Variants in CACNA1C observed in about 807,000 individuals in gnomAD.
CACNA1C encodes the protein voltage-dependent L-type calcium channel subunit alpha-1C.
A neutral mutation model predicts 229.0 loss-of-function variants in CACNA1C; 30 were observed. The observed-to-expected ratio is 0.13, with a 90% CI of 0.10 to 0.18. The LOEUF is 0.18. CACNA1C is among the 10% of genes least tolerant of loss of function. The pLI is 1.00. For missense variants in CACNA1C, 1,658 were observed against 2,845.0 expected (o/e 0.58, Z 9.49); for synonymous variants, 1,114 against 1,132.5 (o/e 0.98, Z 0.33).
chr12:2,561,460 T>C (rs765773899), intron 11 of CACNA1C, among the ~76,000 whole-genome samples: 1 of 152,210 alleles, frequency 6.6e-6, no homozygotes, highest in Admixed American at 6.5e-5. Flanking sequence ...GGTCAGTGTT[T>C]AGTAACTATT....
rs117067678 is a variant in CACNA1C, at chr12:2,141,971, T to G, written c.477+21541T>G. ...TTGAAGGGATGACGTGGGAAGGGTA[T>G]CCTCTCCTTTCCAGCATTCCTTCAT... On this transcript the variant is annotated intron_variant, in intron 3 of 46. Transcript: ENST00000399655. Among the ~76,000 whole-genome samples, 44 of 151,210 alleles carry G rather than the reference T, an allele frequency of 2.9e-4. 1 individual carries two copies. The East Asian group carries it at 6.6e-3, about 23-fold the overall frequency.
intron 3 of CACNA1C, among the ~76,000 whole-genome samples, chr12:2,408,924 A>T (rs1291251771): frequency 6.6e-6 from 1 of 152,194 alleles, no homozygotes; most frequent in Non-Finnish European, 1.5e-5. Context: ...TAAGAAGCCT[A>T]TTGCCATCCT....
intron 5 of CACNA1C, among the ~76,000 whole-genome samples, chr12:2,485,704 G>A (rs372881177): frequency 3.9e-5 from 6 of 152,096 alleles, no homozygotes; most frequent in African/African-American, 7.2e-5. Flanking sequence ...GAAAAACCTC[G>A]AGGATAAATG....
At position 2,655,225 on chromosome 12, in the gene CACNA1C, C is replaced by T. The variant is rs1441253019; in HGVS notation, c.4219C>T (p.Leu1407=). The T allele has an allele frequency of 1.2e-6, 2 of 1,610,734 alleles. No homozygotes were observed. The highest frequency in any genetic ancestry group is 1.7e-6 in the Non-Finnish European group (2 of 1,177,206). The change falls in exon 34 of 47, where the codon CTG becomes TTG. Residue 1407 remains leucine (L), a synonymous_variant. Coordinates refer to ENST00000399655, the MANE Select transcript of CACNA1C (RefSeq NM_000719.7). ...CTTTCAGACCTTCCCCCAGGCCGTG[C>T]TGCTCCTCTTCAGGTGGGTCCCTGA... ...NNFQTFPQAV[L]LLFRCATGEA... is the part of the protein sequence containing the mutation.
chr12:2,572,313 TC>T (rs1600548883), intron 13 of CACNA1C, among the ~76,000 whole-genome samples: 1 of 144,852 alleles, frequency 6.9e-6, no homozygotes, highest in African/African-American at 2.5e-5. Flanking sequence ...CTCCTCCTCC[TC>T]CTCCTCTTCC....
At position 2,692,128 on chromosome 12, in the gene CACNA1C, C is replaced by G. The variant is rs1047896494; in HGVS notation, c.*929C>G. 1 of 152,156 alleles carries G rather than the reference C, an allele frequency of 6.6e-6. No individual in the cohort carries two copies. The highest frequency in any genetic ancestry group is 2.4e-5 in the African/African-American group (1 of 41,422). 9.4% of individuals were successfully genotyped at this position (152,156 alleles called of 1,614,324 possible). On this transcript the variant is annotated 3_prime_UTR_variant, in exon 47 of 47. Coordinates refer to ENST00000399655, the MANE Select transcript of CACNA1C (RefSeq NM_000719.7). ...GTGGTTTCCTTTTTCCACGGAGGTT[C>G]AATAGAAGCCGCTGCAGGAGAGTTT...
rs373662937 is a variant in CACNA1C at position 2,322,718 on chromosome 12, G to A, written c.478-126258G>A. On this transcript the variant is annotated intron_variant, in intron 3 of 46. Transcript: ENST00000399655. ...CCCTTCTTACCATGCCGCGTTGCAC[G>A]GCAGTTATGCTGTGGCATTGCCACC... Among the ~76,000 whole-genome samples, 153 of 152,278 alleles carry A rather than the reference G, an allele frequency of 1.0e-3. 2 individuals carry two copies. The South Asian group carries it at 0.032, about 31-fold the overall frequency.
chr12:2,111,068 G>C (rs993674910), intron 1 of CACNA1C, among the ~76,000 whole-genome samples: 3 of 152,120 alleles, frequency 2.0e-5, no homozygotes, highest in African/African-American at 7.2e-5. Flanking sequence ...CATGTCATGG[G>C]ACCGCAGCAA....
At chr12:2,176,722 A>C (rs1363969346) in intron 3 of CACNA1C, among the ~76,000 whole-genome samples, 1 of 152,148 alleles carries the variant, frequency 6.6e-6, no homozygotes, top group Non-Finnish European at 1.5e-5. Context: ...CCGGAGCAGA[A>C]ACCTTCCTCC....
chr12:2,507,688 A>G (rs1354956165), intron 8 of CACNA1C, among the ~76,000 whole-genome samples: 3 of 152,352 alleles, frequency 2.0e-5, no homozygotes, highest in South Asian at 4.1e-4. Context: ...GTTAATGCTC[A>G]TGGCAACTCA....
At chr12:2,631,857 G>A (rs1472710397) in intron 29 of CACNA1C, among the ~76,000 whole-genome samples, 3 of 152,164 alleles carry the variant, frequency 2.0e-5, no homozygotes, top group Non-Finnish European at 2.9e-5. Flanking sequence ...GACCTCCCAC[G>A]CTAAGAATAA....
rs1189599178 is a variant in CACNA1C at position 2,632,590 on chromosome 12, G to A, written c.3829-1707G>A. On this transcript the variant is annotated intron_variant, in intron 29 of 46. Transcript: ENST00000399655. This position sits in a 1 kb window ranked among gnomAD's most constrained non-coding sequence, Gnocchi z 4.1. ...TGGTGAAAAATAAACAAAATCCATA[G>A]CTACAGAATCAAGTGGTAAAGTCAG... is the stretch of plus-strand genomic sequence containing the variant. Among the ~76,000 whole-genome samples, 2 of 152,150 alleles carry A rather than the reference G, an allele frequency of 1.3e-5. No individual in the cohort carries two copies. Among genetic ancestry groups the A allele is most frequent in the Non-Finnish European group, 2.9e-5 (2 of 68,030 alleles).
At chr12:2,503,797 A>C (rs2099765747) in intron 7 of CACNA1C, among the ~76,000 whole-genome samples, 1 of 152,024 alleles carries the variant, frequency 6.6e-6, no homozygotes. Context: ...AGGACCATTT[A>C]CCCCTAAGCT....
chr12:1,993,042 T>G (rs1158752974), intron 1 of CACNA1C: 2 of 684,274 alleles, frequency 2.9e-6, no homozygotes, highest in Non-Finnish European at 5.1e-6. Flanking sequence ...AAGACAGGGT[T>G]TAGGTTTATA....
intron 14 of CACNA1C, among the ~76,000 whole-genome samples, chr12:2,582,050 C>G (rs2060669209): frequency 6.6e-6 from 1 of 151,828 alleles, no homozygotes; most frequent in Non-Finnish European, 1.5e-5. Flanking sequence ...TCAGGAGAAT[C>G]TCTTGAACCC....
chr12:2,281,597 A>G lies in CACNA1C; in HGVS notation c.477+161167A>G, dbSNP rs865966616. On this transcript the variant is annotated intron_variant, in intron 3 of 46. Transcript: ENST00000399655. Reference sequence around the variant, plus strand: ...TTTTTCCTTCCATGACTGTAAAGCTATGATTCCACTGTCTTCTTGCTTGTG... The same window carrying G: ...TTTTTCCTTCCATGACTGTAAAGCTGTGATTCCACTGTCTTCTTGCTTGTG... Among the ~76,000 whole-genome samples the G allele has an allele frequency of 3.9e-5, 6 of 152,348 alleles. No individual in the cohort carries two copies. The South Asian group carries it at 8.3e-4, about 21-fold the overall frequency.
intron 7 of CACNA1C, among the ~76,000 whole-genome samples, chr12:2,498,810 T>A (rs2099752534): frequency 6.6e-6 from 1 of 152,166 alleles, no homozygotes; most frequent in Non-Finnish European, 1.5e-5. Flanking sequence ...GACCTGGGTT[T>A]TAGGTTCTCT....
chr12:2,007,720 T>G (rs2043708940), intron 1 of CACNA1C, among the ~76,000 whole-genome samples: 1 of 152,232 alleles, frequency 6.6e-6, no homozygotes, highest in Non-Finnish European at 1.5e-5. Context: ...CCTCCTTGTA[T>G]CTGAACTCTT....
chr12:2,060,700 A>G (rs1434869138), intron 1 of CACNA1C, among the ~76,000 whole-genome samples: 2 of 152,214 alleles, frequency 1.3e-5, no homozygotes, highest in African/African-American at 4.8e-5. Flanking sequence ...ATTTCATGAA[A>G]TATTCAAGCT....
Sources: gnomAD v4.1 joint callset for allele counts (sites outside exome capture counted in the v4.1 genomes callset) on GRCh38, gnomAD v4.1.1 for gene constraint, Gnocchi (gnomAD v3.1) non-coding constraint, MANE v1.5 for transcripts, NCBI Gene and HGNC (gene_info 2026-07-23, HGNC 2026-07-21) for gene names.